The following MED15 variants were observed in gnomAD, a reference collection of about 807,000 sequenced individuals.
The protein encoded by MED15 is mediator complex subunit 15.
Under a neutral mutation model 118.7 loss-of-function variants are expected in MED15, and 41 were observed. The ratio of observed to expected loss-of-function variants is 0.35; its 90% CI spans 0.27 to 0.45. MED15 has a LOEUF of 0.45. Ranked by LOEUF, MED15 falls within the 20% of genes least tolerant of loss-of-function variation. The pLI is 1.00. For synonymous variants in MED15, 436 were observed against 413.9 expected (o/e 1.05, Z -0.65); for missense variants, 740 against 1,025.5 (o/e 0.72, Z 3.80).
chr22:20,512,400 C>T (rs2054101762), intron 1 of MED15, among the ~76,000 whole-genome samples: 1 of 152,022 alleles, frequency 6.6e-6, no homozygotes, highest in East Asian at 1.9e-4. Flanking sequence ...TAGGTGTCTG[C>T]TCAGTATCAG....
intron 6 of MED15, among the ~76,000 whole-genome samples, chr22:20,565,033 G>C (rs1449658974): frequency 6.6e-6 from 1 of 152,238 alleles, no homozygotes; most frequent in Non-Finnish European, 1.5e-5. Flanking sequence ...GCTGAGGCAG[G>C]AGAATCGCTA....
chr22:20,540,649 G>A (rs1346322084), intron 2 of MED15, among the ~76,000 whole-genome samples: 1 of 152,098 alleles, frequency 6.6e-6, no homozygotes, highest in Non-Finnish European at 1.5e-5. Context: ...AAATATCTTA[G>A]AAGAAAGCAG....
intron 1 of MED15, among the ~76,000 whole-genome samples, chr22:20,536,734 C>T (rs796942211): frequency 1.8e-4 from 28 of 152,248 alleles, no homozygotes; most frequent in Middle Eastern, 3.4e-3. Context: ...TCATGGGGAA[C>T]GCAGGCCACT....
At chr22:20,555,277 T>C in intron 5 of MED15, 129 bp downstream of exon 5, 1 of 1,070,406 alleles carries the variant, frequency 9.3e-7, no homozygotes, top group Middle Eastern at 2.8e-4. Context: ...TTTTGTTTTT[T>C]AAATCTTTGT....
At chr22:20,548,832 G>A (rs1222094149) in intron 2 of MED15, among the ~76,000 whole-genome samples, 1 of 151,880 alleles carries the variant, frequency 6.6e-6, no homozygotes, top group Admixed American at 6.6e-5. Context: ...TTTGAGGTGG[G>A]GTCTCACTCT....
intron 2 of MED15, among the ~76,000 whole-genome samples, chr22:20,538,423 T>A (rs1265639935): frequency 2.6e-5 from 4 of 151,424 alleles, no homozygotes; most frequent in African/African-American, 9.7e-5. Context: ...CTAAGTTTTT[T>A]ATTTTTTGTG....
intron 1 of MED15, among the ~76,000 whole-genome samples, chr22:20,511,602 G>A (rs961732844): frequency 6.6e-6 from 1 of 151,974 alleles, no homozygotes; most frequent in African/African-American, 2.4e-5. Context: ...AGCATGAGCT[G>A]GTATATAGTC....
At chr22:20,527,639 G>A (rs528404024) in intron 1 of MED15, among the ~76,000 whole-genome samples, 1 of 151,876 alleles carries the variant, frequency 6.6e-6, no homozygotes, top group Non-Finnish European at 1.5e-5. Context: ...ATGGGATCTT[G>A]TGATGTTGCC....
At chr22:20,535,909 G>A (rs1219957423) in intron 1 of MED15, among the ~76,000 whole-genome samples, 7 of 121,828 alleles carry the variant, frequency 5.7e-5, no homozygotes, top group Admixed American at 1.0e-4. Flanking sequence ...ATGGAGTTTC[G>A]CTCTGTCACC....
intron 2 of MED15, among the ~76,000 whole-genome samples, chr22:20,545,149 G>T (rs1394146312): frequency 6.6e-6 from 1 of 152,160 alleles, no homozygotes; most frequent in Admixed American, 6.5e-5. Flanking sequence ...CAAGGGTGCT[G>T]TAGGGAAATG....
intron 5 of MED15, among the ~76,000 whole-genome samples, chr22:20,558,799 G>A (rs537307259): frequency 2.8e-4 from 43 of 152,210 alleles, no homozygotes; most frequent in Admixed American, 2.5e-3. Context: ...GAGCAGGTGC[G>A]GATTGGAGGA....
At chr22:20,549,438 G>A (rs2055684592) in intron 2 of MED15, among the ~76,000 whole-genome samples, 1 of 151,996 alleles carries the variant, frequency 6.6e-6, no homozygotes, top group Admixed American at 6.6e-5. Context: ...AGCAGAAAGG[G>A]GCATAATAAT....
In MED15 at chr22:20,562,091, G is replaced by A. The variant is rs773047652; in HGVS notation, c.452-2359G>A. ...AGGATCGCTTGCTTGAGCCTGGAAC[G>A]CTGAGTCTGCAATGAGCCACGATGG... is the stretch of plus-strand genomic sequence containing the variant. On this transcript the variant is annotated intron_variant, in intron 5 of 17. Coordinates refer to ENST00000263205, the MANE Select transcript of MED15 (RefSeq NM_001003891.3). Among the ~76,000 whole-genome samples the A allele has an allele frequency of 1.7e-4, 26 of 152,200 alleles. 1 individual carries two copies. Among genetic ancestry groups the A allele is most frequent in the Middle Eastern group, 6.8e-3 (2 of 294 alleles).
intron 2 of MED15, among the ~76,000 whole-genome samples, chr22:20,544,599 G>T (rs370167503): frequency 6.6e-6 from 1 of 152,156 alleles, no homozygotes; most frequent in Admixed American, 6.5e-5. Flanking sequence ...CCGGGAGGTG[G>T]AGCTTGCAGT....
intron 1 of MED15, among the ~76,000 whole-genome samples, chr22:20,529,068 G>A (rs140618593): frequency 1.4e-4 from 22 of 152,240 alleles, no homozygotes; most frequent in Non-Finnish European, 2.6e-4. Flanking sequence ...TGGTTTCTTG[G>A]TCCTCTTGCT....
At chr22:20,535,593 A>G (rs1363690397) in intron 1 of MED15, among the ~76,000 whole-genome samples, 11 of 145,526 alleles carry the variant, frequency 7.6e-5, no homozygotes, top group East Asian at 2.0e-4. Context: ...GGAGTCTCGC[A>G]CTGTTGCCCA....
chr22:20,529,045 T>G (rs1229464212), intron 1 of MED15, among the ~76,000 whole-genome samples: 1 of 152,186 alleles, frequency 6.6e-6, no homozygotes, highest in Non-Finnish European at 1.5e-5. Flanking sequence ...CTCCTCACTG[T>G]TACTTAGGAC....
chr22:20,569,027 C>G (rs2056546652), intron 8 of MED15, among the ~76,000 whole-genome samples: 2 of 152,164 alleles, frequency 1.3e-5, no homozygotes, highest in Admixed American at 1.3e-4. Context: ...TCTAGACACT[C>G]GGAAGCAGAT....
intron 2 of MED15, among the ~76,000 whole-genome samples, chr22:20,544,437 G>A (rs1374287325): frequency 1.3e-5 from 2 of 152,048 alleles, no homozygotes; most frequent in African/African-American, 4.8e-5. Context: ...AGGCTGAGGC[G>A]GGCAGATCAC....
Sources: allele counts gnomAD v4.1 joint callset (sites outside exome capture counted in the v4.1 genomes callset), GRCh38; gene constraint gnomAD v4.1.1; transcripts MANE v1.5; gene names NCBI Gene and HGNC (gene_info 2026-07-23, HGNC 2026-07-21).